Variants in CLIC6 observed in about 807,000 individuals in gnomAD.
CLIC6 encodes CLIC family member 6, also known as chloride intracellular channel protein 6.
A neutral mutation model predicts 49.2 loss-of-function variants in CLIC6; 39 were observed. The observed-to-expected ratio is 0.79, with a 90% confidence interval of 0.61 to 1.04. The LOEUF is 1.04. Among genes scored for constraint, CLIC6 ranks in the 50% least tolerant of loss-of-function variants. The pLI is 0.00. For synonymous variants in CLIC6, 446 were observed against 433.4 expected, an observed-to-expected ratio of 1.03 and a Z score of -0.36; for missense variants, 988 against 993.1, an observed-to-expected ratio of 0.99 and a Z score of 0.07.
intron 5 of CLIC6, among the ~76,000 whole-genome samples, chr21:34,714,637 G>C (rs568240391): frequency 6.7e-6 from 1 of 149,774 alleles, no homozygotes; most frequent in Non-Finnish European, 1.5e-5. Context: ...GCAGTGAGCC[G>C]AGATCCTCCA....
At chr21:34,693,538 C>T (rs1990035179) in intron 1 of CLIC6, among the ~76,000 whole-genome samples, 1 of 152,238 alleles carries the variant, frequency 6.6e-6, no homozygotes. Flanking sequence ...TGGGTAGTCC[C>T]TTCATCCTCT....
chr21:34,709,319 C>T (rs753923490), intron 4 of CLIC6, 38 bp from the exon 5 acceptor site: 1 of 1,583,494 alleles, frequency 6.3e-7, no homozygotes, highest in Admixed American at 1.7e-5. Context: ...CATGCACTTG[C>T]AAACCTCTCT....
At chr21:34,708,853 C>G (rs372316172) in intron 4 of CLIC6, 47 bp downstream of exon 4, 2 of 1,354,588 alleles carry the variant, frequency 1.5e-6, no homozygotes, top group Non-Finnish European at 2.1e-6. Context: ...AGACTTGAGT[C>G]TTAGCATGGC....
Position 34,670,394 on chromosome 21 carries a change from G to A in CLIC6, c.1006G>A (p.Val336Ile), listed in dbSNP as rs1328731305. Residue 336 changes from valine to isoleucine, a missense_variant, in exon 1 of 6, where the codon GTC becomes ATC. Transcript: ENST00000349499. Reference sequence around the variant, plus strand: ...CTGGGACGCAGCGGAGGAGGCGGAGGTCCCGGGGGTAAAGGGGTCCGAAGA... The same window carrying A: ...CTGGGACGCAGCGGAGGAGGCGGAGATCCCGGGGGTAAAGGGGTCCGAAGA... Reference protein sequence around the residue: ...LAWDAAEEAEVPGVKGSEEAA... With the variant: ...LAWDAAEEAEIPGVKGSEEAA... 6.9e-7 allele frequency: 1 copy of A among 1,457,546 alleles called. No individual in the cohort carries two copies. Among genetic ancestry groups the A allele is most frequent in the Non-Finnish European group, 9.0e-7 (1 of 1,105,968 alleles). The allele number at this position is 1,457,546 out of a possible 1,614,324, so 90.3% of individuals were successfully genotyped here. A position where few individuals can be genotyped will look rare whatever the true frequency, so the allele number is the denominator to read the frequency against.
intron 5 of CLIC6, 107 bp from the exon 6 acceptor site, chr21:34,716,214 G>A: frequency 1.0e-6 from 1 of 954,310 alleles, no homozygotes; most frequent in Non-Finnish European, 1.6e-6. Context: ...GATGACATGG[G>A]AAACTGGGAA....
intron 1 of CLIC6, among the ~76,000 whole-genome samples, chr21:34,692,740 G>A (rs2145808376): frequency 6.6e-6 from 1 of 152,270 alleles, no homozygotes; most frequent in South Asian, 2.1e-4. Context: ...TAGGCCTTTG[G>A]CCTCTTTAAA....
At chr21:34,677,305 G>T (rs1043614666) in intron 1 of CLIC6, among the ~76,000 whole-genome samples, 7 of 152,232 alleles carry the variant, frequency 4.6e-5, no homozygotes, top group African/African-American at 1.4e-4. Context: ...TTGCTCTCAA[G>T]TTAGGTGGCA....
intron 1 of CLIC6, among the ~76,000 whole-genome samples, chr21:34,672,919 C>T (rs1989593034): frequency 6.6e-6 from 1 of 152,198 alleles, no homozygotes; most frequent in African/African-American, 2.4e-5. Context: ...TGGAAATAAG[C>T]TTAGTACACA....
At chr21:34,713,633 T>G (rs185119897) in intron 5 of CLIC6, among the ~76,000 whole-genome samples, 1 of 150,110 alleles carries the variant, frequency 6.7e-6, no homozygotes, top group African/African-American at 2.5e-5. Flanking sequence ...ATCCCAGATA[T>G]ACATGATCAG....
Position 34,716,862 on chromosome 21 carries a change from T to TCTCTCTCTCTCTCTCACACACACA in CLIC6, c.*381_*382insTCTCTCTCTCTCTCACACACACAC. 2.3e-5 allele frequency: 3 copies of TCTCTCTCTCTCTCTCACACACACA among 131,636 alleles called. No individual in the cohort carries two copies. Among genetic ancestry groups the TCTCTCTCTCTCTCTCACACACACA allele is most frequent in the African/African-American group, 9.6e-5 (3 of 31,216 alleles). 8.2% of individuals were successfully genotyped at this position (131,636 alleles called of 1,614,324 possible). Reference sequence around the variant, plus strand: ...CTCTCTCTCTCTCTCTCTCTCTCTATCACACACACACACACACACACACAC... The same window carrying TCTCTCTCTCTCTCTCACACACACA: ...CTCTCTCTCTCTCTCTCTCTCTCTATCTCTCTCTCTCTCTCACACACACACACACACACACACACACACACACAC... On this transcript the variant is annotated 3_prime_UTR_variant, in exon 6 of 6. Transcript: ENST00000349499.
chr21:34,707,436 T>TGC (rs1555879303), intron 2 of CLIC6, 47 bp downstream of exon 2: 1 of 647,960 alleles, frequency 1.5e-6, no homozygotes, highest in Admixed American at 3.0e-5. Flanking sequence ...CCTAGTTCTC[T>TGC]GCACACACAC....
intron 1 of CLIC6, among the ~76,000 whole-genome samples, chr21:34,694,268 C>T (rs972338028): frequency 4.6e-5 from 7 of 151,174 alleles, no homozygotes; most frequent in African/African-American, 1.7e-4. Context: ...CGTGAGCCAT[C>T]GCGCCCGGCC....
At chr21:34,712,380 A>G (rs924303204) in intron 5 of CLIC6, among the ~76,000 whole-genome samples, 9 of 152,212 alleles carry the variant, frequency 5.9e-5, no homozygotes, top group African/African-American at 2.2e-4. Flanking sequence ...TCATCGACTT[A>G]AAGAGTAGGA....
Position 34,716,633 on chromosome 21 carries a change from C to T in CLIC6, c.*151C>T. The T allele has an allele frequency of 1.9e-6, 1 of 532,896 alleles. No individual in the cohort carries two copies. Among genetic ancestry groups the T allele is most frequent in the Non-Finnish European group, 3.2e-6 (1 of 313,750 alleles). 33.0% of individuals were successfully genotyped at this position (532,896 alleles called of 1,614,324 possible). On this transcript the variant is annotated 3_prime_UTR_variant, in exon 6 of 6. Transcript: ENST00000349499. The stretch of plus-strand genomic sequence containing the variant: ...TTTAAATCATTGAGAGCCTGTTTTT[C>T]TTCTCTAAAACATTAGTTTAATTTT...
At chr21:34,682,332 T>C (rs1021468385) in intron 1 of CLIC6, among the ~76,000 whole-genome samples, 1 of 152,238 alleles carries the variant, frequency 6.6e-6, no homozygotes, top group African/African-American at 2.4e-5. Context: ...TTATCAAATA[T>C]TTTGAATCTG....
rs1039748199 is a variant in CLIC6, at chr21:34,669,659, G to A, written c.271G>A (p.Glu91Lys). 6.8e-6 allele frequency: 9 copies of A among 1,326,380 alleles called. No individual in the cohort carries two copies. The highest frequency in any genetic ancestry group is 6.2e-5 in the African/African-American group (4 of 64,812). The allele number at this position is 1,326,380 out of a possible 1,614,324, so 82.2% of individuals were successfully genotyped here. A position where few individuals can be genotyped will look rare whatever the true frequency, so the allele number is the denominator to read the frequency against. ...GACTGAGGCCGAGGAGGGAGCCCCG[G>A]AGGGTGCCGAGGTGCCCCAAGGAGG... ...GETEAEEGAP[E>K]GAEVPQGGEE... The change falls in exon 1 of 6, where the codon GAG (glutamate) becomes AAG (lysine). Residue 91 changes from glutamate (E) to lysine (K), a missense_variant. Coordinates refer to ENST00000349499, the MANE Select transcript of CLIC6 (RefSeq NM_053277.3).
At chr21:34,695,350 A>G (rs1041656415) in intron 1 of CLIC6, among the ~76,000 whole-genome samples, 2 of 152,226 alleles carry the variant, frequency 1.3e-5, no homozygotes, top group African/African-American at 4.8e-5. Context: ...GGGTTTGCCT[A>G]ATAATCCAGG....
At chr21:34,715,819 A>AG (rs1442686045) in intron 5 of CLIC6, among the ~76,000 whole-genome samples, 3 of 152,264 alleles carry the variant, frequency 2.0e-5, no homozygotes, top group African/African-American at 7.2e-5. Context: ...CCCCACGATC[A>AG]GACGATGCTC....
chr21:34,698,455 T>TGGAAGGAAGAAAGGAAAGAGAAAGAC (rs1990129295), intron 1 of CLIC6, among the ~76,000 whole-genome samples: 1 of 128,634 alleles, frequency 7.8e-6, no homozygotes, highest in East Asian at 2.2e-4. Flanking sequence ...AGGAAAGGGA[T>TGGAAGGAAGAAAGGAAAGAGAAAGAC]GGAAGGAAGA....
Sources: allele counts gnomAD v4.1 joint callset (sites outside exome capture counted in the v4.1 genomes callset), GRCh38; gene constraint gnomAD v4.1.1; transcripts MANE v1.5; gene names NCBI Gene and HGNC (gene_info 2026-07-23, HGNC 2026-07-21).